MRRF: variants seen among roughly 807,000 people sequenced by gnomAD.
MRRF encodes ribosome-recycling factor, mitochondrial.
In MRRF, 18 loss-of-function variants were observed where a neutral mutation model predicts 25.1. That is an observed-to-expected ratio of 0.72 (90% confidence interval 0.50 to 1.06). The LOEUF is 1.06. MRRF is among the 50% of genes least tolerant of loss of function. The probability of loss-of-function intolerance (pLI) is 0.00; values close to 1 mark genes in which losing one functional copy is unlikely to be tolerated. For synonymous variants in MRRF, 113 were observed against 112.1 expected (o/e 1.01, Z -0.05); for missense variants, 323 against 319.3 (o/e 1.01, Z -0.09).
intron 5 of MRRF, among the ~76,000 whole-genome samples, chr9:122,306,973 C>G (rs1834886510): frequency 6.6e-6 from 1 of 152,124 alleles, no homozygotes; most frequent in Non-Finnish European, 1.5e-5. Flanking sequence ...GAAGTCCTTC[C>G]AAAATGTATG....
intron 5 of MRRF, among the ~76,000 whole-genome samples, chr9:122,296,580 CTT>C (rs1564495621): frequency 6.6e-6 from 1 of 152,158 alleles, no homozygotes; most frequent in Non-Finnish European, 1.5e-5. Flanking sequence ...GAATTGGGGT[CTT>C]TGTCACTGCC....
chr9:122,279,342 C>T (rs929273108), intron 2 of MRRF, among the ~76,000 whole-genome samples: 6 of 152,156 alleles, frequency 3.9e-5, no homozygotes, highest in African/African-American at 1.4e-4. Context: ...ACCATGGGGA[C>T]AATACTAATC....
At chr9:122,279,651 A>T (rs569239100) in intron 2 of MRRF, among the ~76,000 whole-genome samples, 2 of 152,360 alleles carry the variant, frequency 1.3e-5, no homozygotes, top group South Asian at 2.1e-4. Context: ...ATGTATATGA[A>T]AAATCACTAC....
In MRRF at chr9:122,324,968, G is replaced by A. The variant is rs1163516401; in HGVS notation, c.*2351G>A. The A allele has an allele frequency of 1.3e-5, 2 of 152,172 alleles. No homozygotes were observed. The highest frequency in any genetic ancestry group is 2.4e-5 in the African/African-American group (1 of 41,420). The allele number at this position is 152,172 out of a possible 1,614,324, so 9.4% of individuals were successfully genotyped here. A position where few individuals can be genotyped will look rare whatever the true frequency, so the allele number is the denominator to read the frequency against. ...AGAGCAATTAAGGAGCCTCTTTTGG[G>A]GTAAGCCACATGACAGGGGCTTTGC... On this transcript the variant is annotated 3_prime_UTR_variant, in exon 7 of 7. Transcript: ENST00000344641.
chr9:122,283,092 ATT>A (rs546491734), intron 3 of MRRF, among the ~76,000 whole-genome samples: 71 of 139,092 alleles, frequency 5.1e-4, no homozygotes, highest in Non-Finnish European at 4.9e-4. Flanking sequence ...TATAAGTACA[ATT>A]TTTTTTTTTT....
At chr9:122,304,728 T>G (rs997772939) in intron 5 of MRRF, among the ~76,000 whole-genome samples, 2 of 152,168 alleles carry the variant, frequency 1.3e-5, no homozygotes, top group African/African-American at 2.4e-5. Flanking sequence ...GTAGCATGAA[T>G]TATATATCTA....
rs968135703 is a variant in MRRF at position 122,325,057 on chromosome 9, G to A, written c.*2440G>A. ...GCAAATGTGCTTCTCAAAGATGCAG[G>A]ATTTTTTAATAAACAGAGGAAATGA... On this transcript the variant is annotated 3_prime_UTR_variant, in exon 7 of 7. Transcript: ENST00000344641. The A allele has an allele frequency of 1.3e-5, 2 of 152,160 alleles. No individual in the cohort carries two copies. The highest frequency in any genetic ancestry group is 2.9e-5 in the Non-Finnish European group (2 of 68,024). The allele number at this position is 152,160 out of a possible 1,614,324, so 9.4% of individuals were successfully genotyped here.
chr9:122,302,105 G>A (rs755222475), intron 5 of MRRF, among the ~76,000 whole-genome samples: 11 of 152,068 alleles, frequency 7.2e-5, no homozygotes, highest in South Asian at 2.1e-4. Context: ...GAGGCGTGCT[G>A]CCTGTCATCA....
chr9:122,304,596 G>A (rs1411602828), intron 5 of MRRF, among the ~76,000 whole-genome samples: 1 of 152,176 alleles, frequency 6.6e-6, no homozygotes, highest in Non-Finnish European at 1.5e-5. Flanking sequence ...TCCATGCCTT[G>A]TATCATGCAC....
At chr9:122,277,046 G>A (rs1253732380) in intron 2 of MRRF, among the ~76,000 whole-genome samples, 2 of 151,988 alleles carry the variant, frequency 1.3e-5, no homozygotes, top group Non-Finnish European at 2.9e-5. Context: ...TTTTTGTAGG[G>A]ACTGGGTTTT....
rs553071081 is a variant in MRRF, at chr9:122,313,285, G to A, written c.610G>A (p.Ala204Thr). The A allele has an allele frequency of 6.8e-6, 11 of 1,614,104 alleles. No individual in the cohort carries two copies. The East Asian group carries it at 1.6e-4, about 23-fold the overall frequency. ...VKLAKQNTNK[A>T]KDSLRKVRTN... is the part of the protein sequence containing the mutation. ...ACTGGCCAAACAGAACACCAACAAG[G>A]CCAAAGACTCTTTACGGAAGGTTCG... The change falls in exon 6 of 7, where the codon GCC becomes ACC. Residue 204 changes from alanine (A) to threonine (T), a missense_variant. Coordinates refer to ENST00000344641, the MANE Select transcript of MRRF (RefSeq NM_138777.5).
At chr9:122,272,749 T>A (rs1432911467) in intron 2 of MRRF, among the ~76,000 whole-genome samples, 1 of 152,220 alleles carries the variant, frequency 6.6e-6, no homozygotes, top group Non-Finnish European at 1.5e-5. Context: ...TAATGTCATA[T>A]TTTTTAGTCC....
intron 6 of MRRF, among the ~76,000 whole-genome samples, chr9:122,315,784 GCACTAGT>G (rs1251095643): frequency 6.6e-6 from 1 of 151,956 alleles, no homozygotes; most frequent in African/African-American, 2.4e-5. Context: ...GGCCTGCCAG[GCACTAGT>G]CACTCAGCAA....
rs1323667130 is a variant in MRRF, at chr9:122,270,970, T to C, written c.79T>C (p.Ser27Pro). Residue 27 changes from serine to proline, a missense_variant, in exon 2 of 7, where the codon TCA (serine) becomes CCA (proline). Ser to Pro is a moderately conservative substitution (Grantham distance 74, BLOSUM62 -1). Transcript: ENST00000344641. ...TCTTGCAGCCTCTATCAGACCCGTT[T>C]CAGAAGTTACACTGAAGACAGTGCA... ...NYLAASIRPV[S>P]EVTLKTVHER... 4.3e-6 allele frequency: 7 copies of C among 1,614,220 alleles called. No homozygotes were observed. Among genetic ancestry groups the C allele is most frequent in the Non-Finnish European group, 5.9e-6 (7 of 1,180,026 alleles).
At position 122,326,431 on chromosome 9, in the gene MRRF, AGAGG is replaced by A. The variant is rs1264113571; in HGVS notation, c.*3816_*3819del. 6 of 151,924 alleles carry A rather than the reference AGAGG, an allele frequency of 3.9e-5. No individual in the cohort carries two copies. Among genetic ancestry groups the A allele is most frequent in the Non-Finnish European group, 8.8e-5 (6 of 67,940 alleles). The allele number at this position is 151,924 out of a possible 1,614,324, so 9.4% of individuals were successfully genotyped here. A position where few individuals can be genotyped will look rare whatever the true frequency, so the allele number is the denominator to read the frequency against. On this transcript the variant is annotated 3_prime_UTR_variant, in exon 7 of 7. Transcript: ENST00000344641. ...CGGCCATATAATTTTTTAGAAGGAG[AGAGG>A]GGAACTATTCATATTCTGATGTTTG...
chr9:122,309,176 ATGTTTTTTATGCTAAC>A (rs1835056624), intron 5 of MRRF, among the ~76,000 whole-genome samples: 2 of 152,122 alleles, frequency 1.3e-5, no homozygotes, highest in African/African-American at 2.4e-5. Context: ...ACTTAGCATA[ATGTTTTTTATGCTAAC>A]TGTTTTTTAT....
intron 6 of MRRF, among the ~76,000 whole-genome samples, chr9:122,314,957 G>A (rs1835421716): frequency 6.6e-6 from 1 of 152,106 alleles, no homozygotes; most frequent in Non-Finnish European, 1.5e-5. Context: ...GGAGTGAAGA[G>A]AGAAGCGAGA....
rs1359706255 is a variant in MRRF at position 122,329,445 on chromosome 9, C to T, written c.*6828C>T. On this transcript the variant is annotated 3_prime_UTR_variant, in exon 7 of 7. Transcript: ENST00000344641. Reference sequence around the variant, plus strand: ...CGATGCTTCTCCTGATTCATTCATTCATTATCCATACCGATGCCTCTCCTG... The same window carrying T: ...CGATGCTTCTCCTGATTCATTCATTTATTATCCATACCGATGCCTCTCCTG... The T allele has an allele frequency of 6.6e-6, 1 of 152,238 alleles. No individual in the cohort carries two copies. The highest frequency in any genetic ancestry group is 1.5e-5 in the Non-Finnish European group (1 of 68,078). The allele number at this position is 152,238 out of a possible 1,614,324, so 9.4% of individuals were successfully genotyped here.
chr9:122,265,516 G>A, intron 1 of MRRF: 2 of 347,882 alleles, frequency 5.7e-6, no homozygotes, highest in South Asian at 4.4e-5. Context: ...CCTAGGAAGT[G>A]CTGGAACCAA....
Sources: allele counts gnomAD v4.1 joint callset (sites outside exome capture counted in the v4.1 genomes callset), GRCh38; gene constraint gnomAD v4.1.1; transcripts MANE v1.5; gene names NCBI Gene and HGNC (gene_info 2026-07-23, HGNC 2026-07-21).